Variants in GRID2 observed in about 807,000 individuals in gnomAD.
GRID2 encodes glutamate receptor ionotropic, delta-2.
GRID2 carries 33 observed loss-of-function variants against 114.8 expected under a neutral mutation model. The observed-to-expected ratio is 0.29, with a 90% CI of 0.22 to 0.38. The LOEUF (loss-of-function observed/expected upper bound fraction) is 0.38. GRID2 is among the 10% of genes least tolerant of loss of function. The pLI is 1.00. For synonymous variants in GRID2, 505 were observed against 449.9 expected (o/e 1.12, Z -1.55); for missense variants, 1,184 against 1,257.7 (o/e 0.94, Z 0.89).
chr4:93,117,096 T>C (rs1177762324), intron 4 of GRID2, among the ~76,000 whole-genome samples: 1 of 152,186 alleles, frequency 6.6e-6, no homozygotes, highest in East Asian at 1.9e-4. Context: ...ATTGTAAATT[T>C]CTAAGTTAAA....
At chr4:92,682,106 A>G (rs1451200716) in intron 2 of GRID2, among the ~76,000 whole-genome samples, 2 of 152,052 alleles carry the variant, frequency 1.3e-5, no homozygotes, top group African/African-American at 2.4e-5. Context: ...TAATATACTT[A>G]AAAGAGGGCA....
intron 1 of GRID2, among the ~76,000 whole-genome samples, chr4:92,396,870 A>T (rs927223974): frequency 6.6e-6 from 1 of 152,092 alleles, no homozygotes; most frequent in Admixed American, 6.6e-5. Flanking sequence ...GCAACAATTT[A>T]AATAAAATGA....
intron 1 of GRID2, among the ~76,000 whole-genome samples, chr4:92,400,863 C>A (rs565822989): frequency 1.3e-5 from 2 of 152,186 alleles, no homozygotes; most frequent in East Asian, 3.9e-4. Context: ...GTTGAACTTC[C>A]TTCATGTACT....
intron 1 of GRID2, among the ~76,000 whole-genome samples, chr4:92,306,329 C>T (rs1300813743): frequency 2.0e-5 from 3 of 152,200 alleles, no homozygotes; most frequent in Non-Finnish European, 2.9e-5. Flanking sequence ...TGCTGGATCC[C>T]GTTTTGCCTG....
At chr4:93,098,650 G>A (rs776700584) in intron 3 of GRID2, among the ~76,000 whole-genome samples, 9 of 151,896 alleles carry the variant, frequency 5.9e-5, no homozygotes, top group Non-Finnish European at 1.0e-4. Context: ...GAAGCAAACA[G>A]TAAGGTTGAT....
chr4:92,826,389 C>T (rs74829390), intron 2 of GRID2, among the ~76,000 whole-genome samples: 1 of 152,196 alleles, frequency 6.6e-6, no homozygotes, highest in African/African-American at 2.4e-5. Context: ...AACCAGCAAT[C>T]CCTAACACAC....
intron 8 of GRID2, among the ~76,000 whole-genome samples, chr4:93,380,443 T>G (rs1763745801): frequency 6.6e-6 from 1 of 151,086 alleles, no homozygotes; most frequent in South Asian, 2.1e-4. Flanking sequence ...TGGGGCAGTT[T>G]GTTATGGCAG....
At chr4:93,717,951 T>C (rs1285152326) in intron 14 of GRID2, among the ~76,000 whole-genome samples, 1 of 152,092 alleles carries the variant, frequency 6.6e-6, no homozygotes, top group Non-Finnish European at 1.5e-5. Flanking sequence ...GAATATGATG[T>C]TGTTAAGATG....
intron 8 of GRID2, among the ~76,000 whole-genome samples, chr4:93,284,841 C>T (rs560930173): frequency 6.6e-6 from 1 of 152,036 alleles, no homozygotes; most frequent in African/African-American, 2.4e-5. Context: ...TTCAGCGAGA[C>T]TTGGTTCCTT....
intron 1 of GRID2, among the ~76,000 whole-genome samples, chr4:92,437,540 A>G (rs1489185202): frequency 6.6e-6 from 1 of 152,220 alleles, no homozygotes; most frequent in Non-Finnish European, 1.5e-5. Flanking sequence ...AAGTGCTGGG[A>G]TTACAGGCGT....
chr4:92,616,905 G>A (rs1730029318), intron 2 of GRID2, among the ~76,000 whole-genome samples: 1 of 150,172 alleles, frequency 6.7e-6, no homozygotes, highest in East Asian at 2.0e-4. Context: ...CTTTTAAGAT[G>A]CTTAAACTTG....
chr4:92,629,366 A>T (rs1019390191), intron 2 of GRID2, among the ~76,000 whole-genome samples: 1 of 152,084 alleles, frequency 6.6e-6, no homozygotes, highest in Admixed American at 6.6e-5. Context: ...TGGACACCAT[A>T]TAAGATCATT....
rs867306316 is a variant in GRID2 at position 93,737,193 on chromosome 4, A to G, written c.2361-32017A>G. Among the ~76,000 whole-genome samples the G allele has an allele frequency of 5.3e-5, 8 of 152,198 alleles. 2 individuals carry two copies. The Middle Eastern group carries it at 0.024, about 453-fold the overall frequency. ...TCCTTTCCTTTTTATTGACAATATC[A>G]TGACTATAATTATATTTTCAAGTAA... On this transcript the variant is annotated intron_variant, in intron 14 of 15. Coordinates refer to ENST00000282020, the MANE Select transcript of GRID2 (RefSeq NM_001510.4).
intron 2 of GRID2, among the ~76,000 whole-genome samples, chr4:93,022,515 A>C (rs913638302): frequency 6.6e-6 from 1 of 151,946 alleles, no homozygotes; most frequent in Non-Finnish European, 1.5e-5. Context: ...AAATCTTTGC[A>C]ATATTTTCTA....
rs1227262815 is a variant in GRID2 at position 93,137,953 on chromosome 4, G to T, written c.735+27000G>T. ...GATTTTGAACATAAAAGTCTAGCAAGAATTTTTTCTTCGTTTTTTTTTTTT... is the reference window on the plus strand; with the variant it reads ...GATTTTGAACATAAAAGTCTAGCAATAATTTTTTCTTCGTTTTTTTTTTTT... On this transcript the variant is annotated intron_variant, in intron 4 of 15. Coordinates refer to ENST00000282020, the MANE Select transcript of GRID2 (RefSeq NM_001510.4). Among the ~76,000 whole-genome samples the T allele has an allele frequency of 6.9e-5, 8 of 115,966 alleles. No individual in the cohort carries two copies. The East Asian group carries it at 8.4e-4, about 12-fold the overall frequency. The allele number at this position is 115,966 out of a possible 152,430, so 76.1% of individuals were successfully genotyped here.
intron 2 of GRID2, among the ~76,000 whole-genome samples, chr4:92,686,320 A>T (rs1427365091): frequency 6.6e-6 from 1 of 152,082 alleles, no homozygotes; most frequent in Non-Finnish European, 1.5e-5. Context: ...GACAAAAAAT[A>T]AATAATAATA....
chr4:93,186,863 C>T (rs1204689568), intron 4 of GRID2, among the ~76,000 whole-genome samples: 3 of 151,998 alleles, frequency 2.0e-5, no homozygotes, highest in Non-Finnish European at 4.4e-5. Context: ...ATAAAAATAC[C>T]ATAGACTGGG....
chr4:93,413,922 T>C (rs1767452370), intron 9 of GRID2, among the ~76,000 whole-genome samples: 1 of 152,172 alleles, frequency 6.6e-6, no homozygotes, highest in South Asian at 2.1e-4. Context: ...ACATTCACCT[T>C]GAGGACTTTA....
chr4:92,692,256 G>C (rs1004029566), intron 2 of GRID2, among the ~76,000 whole-genome samples: 1 of 152,028 alleles, frequency 6.6e-6, no homozygotes, highest in African/African-American at 2.4e-5. Context: ...ATTTTGTTGG[G>C]CTTTGGAATA....
Sources: allele counts gnomAD v4.1 joint callset (sites outside exome capture counted in the v4.1 genomes callset), GRCh38; gene constraint gnomAD v4.1.1; transcripts MANE v1.5; gene names NCBI Gene and HGNC (gene_info 2026-07-23, HGNC 2026-07-21).